The following ZNF469 variants were observed in gnomAD, a reference collection of about 807,000 sequenced individuals.
ZNF469 encodes zinc finger protein 469.
ZNF469 carries 1 observed loss-of-function variant against 1.0 expected under a neutral mutation model. That is an observed-to-expected ratio of 1.00 (90% CI 0.35 to 4.73). ZNF469 has a LOEUF of 4.73. Ranked by LOEUF, ZNF469 falls within the 30% of genes most tolerant of loss-of-function variation. The pLI is 0.16. For synonymous variants in ZNF469, 2,703 were observed against 2,363.4 expected, an observed-to-expected ratio of 1.14 and a Z score of -4.17; for missense variants, 6,100 against 5,356.3, an observed-to-expected ratio of 1.14 and a Z score of -4.33.
At chr16:88,409,906 G>T (rs1448007130) in intron 1 of ZNF469, among the ~76,000 whole-genome samples, 1 of 149,198 alleles carries the variant, frequency 6.7e-6, no homozygotes. Context: ...CCAGGGCTCT[G>T]GGTGGGGCGG....
the ZNF469 span, among the ~76,000 whole-genome samples, chr16:88,202,401 A>C: frequency 6.6e-6 from 1 of 151,996 alleles, no homozygotes; most frequent in African/African-American, 2.4e-5. Flanking sequence ...TGTGGGTCCT[A>C]AAGTCCTCTC....
the ZNF469 span, among the ~76,000 whole-genome samples, chr16:88,369,676 G>A: frequency 4.4e-4 from 67 of 152,334 alleles, no homozygotes; most frequent in African/African-American, 8.9e-4. Context: ...TCTGAGGGGC[G>A]ACACTGTCCC....
the ZNF469 span, among the ~76,000 whole-genome samples, chr16:88,369,463 G>A: frequency 6.6e-6 from 1 of 152,178 alleles, no homozygotes; most frequent in Non-Finnish European, 1.5e-5. Context: ...ATTGCAGGGG[G>A]CACCCAAGCC....
chr16:88,116,955 GCACACA>G, the ZNF469 span, among the ~76,000 whole-genome samples: 1,966 of 151,278 alleles, frequency 0.013, 22 homozygotes, highest in African/African-American at 0.025. Context: ...GTGCATGCGT[GCACACA>G]CACACACACA....
the ZNF469 span, among the ~76,000 whole-genome samples, chr16:88,236,922 T>A: frequency 3.3e-5 from 5 of 152,040 alleles, no homozygotes; most frequent in African/African-American, 1.2e-4. Flanking sequence ...CAAACCAGCA[T>A]CCCTCTAATT....
the ZNF469 span, among the ~76,000 whole-genome samples, chr16:88,367,970 C>G: frequency 6.6e-6 from 1 of 152,150 alleles, no homozygotes; most frequent in Non-Finnish European, 1.5e-5. Flanking sequence ...TCCTAATGCC[C>G]GCAGACGAAA....
At chr16:88,137,442 G>T in the ZNF469 span, among the ~76,000 whole-genome samples, 15 of 152,218 alleles carry the variant, frequency 9.9e-5, no homozygotes, top group African/African-American at 3.6e-4. Flanking sequence ...GCAACCGTGT[G>T]TGTGCAGCTA....
At chr16:88,330,911 C>T in the ZNF469 span, among the ~76,000 whole-genome samples, 77 of 152,202 alleles carry the variant, frequency 5.1e-4, no homozygotes, top group African/African-American at 1.8e-3. Flanking sequence ...GCAAAAGCAC[C>T]TGGCATGCAG....
chr16:88,306,522 C>T, the ZNF469 span, among the ~76,000 whole-genome samples: 1 of 152,202 alleles, frequency 6.6e-6, no homozygotes, highest in African/African-American at 2.4e-5. Context: ...CAGGAAGATG[C>T]GGGATGTCAC....
rs537461157 is a variant in ZNF469, at chr16:88,434,670, C to T, written c.7200C>T (p.Ser2400=). 3.9e-6 allele frequency: 6 copies of T among 1,550,382 alleles called. No homozygotes were observed. Among genetic ancestry groups the T allele is most frequent in the Admixed American group, 3.9e-5 (2 of 51,006 alleles). ...ATKMPRVTCP[S]TGLGLGRTTA... is the part of the protein sequence containing the mutation. Reference sequence around the variant, plus strand: ...AGATGCCCAGGGTCACCTGCCCTTCCACAGGACTGGGCTTGGGAAGAACCA... The same window carrying T: ...AGATGCCCAGGGTCACCTGCCCTTCTACAGGACTGGGCTTGGGAAGAACCA... Residue 2400 remains serine, a synonymous_variant, in exon 3 of 3, where the codon TCC becomes TCT. Transcript: ENST00000565624.
the ZNF469 span, among the ~76,000 whole-genome samples, chr16:88,118,433 A>C: frequency 3.9e-5 from 6 of 152,210 alleles, no homozygotes; most frequent in Non-Finnish European, 8.8e-5. Flanking sequence ...CAAGAGTCTC[A>C]GCTGCTCGAC....
At chr16:88,175,814 AAGG>A in the ZNF469 span, among the ~76,000 whole-genome samples, 2 of 152,244 alleles carry the variant, frequency 1.3e-5, no homozygotes, top group African/African-American at 2.4e-5. Flanking sequence ...ACAACCCAGA[AAGG>A]AGAAGAGAAG....
At position 88,434,608 on chromosome 16, in the gene ZNF469, C is replaced by T. The variant is rs1158512070; in HGVS notation, c.7138C>T (p.Pro2380Ser). ...GACCAGCAGCAAGGAGCCGGAGGAC[C>T]CAGGGACCCCTGAGACCGGGCGCTC... ...MGTSSKEPED[P>S]GTPETGRSGA... Residue 2380 changes from proline to serine, a missense_variant, in exon 3 of 3, where the codon CCA becomes TCA. By Grantham distance (74) the Pro-to-Ser change is moderately conservative (BLOSUM62 -1). Transcript: ENST00000565624. 2 of 1,550,300 alleles carry T rather than the reference C, an allele frequency of 1.3e-6. No homozygotes were observed. The highest frequency in any genetic ancestry group is 1.7e-6 in the Non-Finnish European group (2 of 1,146,936).
chr16:88,131,303 C>G, the ZNF469 span, among the ~76,000 whole-genome samples: 1 of 152,206 alleles, frequency 6.6e-6, no homozygotes, highest in Admixed American at 6.5e-5. Context: ...GAAGTCAAAA[C>G]AATACCAAGG....
intron 1 of ZNF469, among the ~76,000 whole-genome samples, chr16:88,386,544 G>A (rs565544899): frequency 1.1e-4 from 16 of 152,224 alleles, no homozygotes; most frequent in African/African-American, 3.9e-4. Flanking sequence ...TTGACGAAGG[G>A]GCCCTATTCA....
At chr16:88,168,697 G>A in the ZNF469 span, among the ~76,000 whole-genome samples, 99 of 152,308 alleles carry the variant, frequency 6.5e-4, no homozygotes, top group Admixed American at 5.2e-4. This position sits in a 1 kb window ranked among gnomAD's most constrained non-coding sequence, Gnocchi z 4.3. Context: ...CACACCTGCC[G>A]TTTGGCAAGC....
chr16:88,229,344 G>A, the ZNF469 span, among the ~76,000 whole-genome samples: 1 of 152,232 alleles, frequency 6.6e-6, no homozygotes, highest in Non-Finnish European at 1.5e-5. Context: ...GTAAAAAGCT[G>A]CTCTCGGGAA....
At position 88,438,781 on chromosome 16, in the gene ZNF469, C is replaced by T; in HGVS notation, c.11311C>T (p.Pro3771Ser). 6.5e-7 allele frequency: 1 copy of T among 1,550,230 alleles called. No individual in the cohort carries two copies. The highest frequency in any genetic ancestry group is 8.7e-7 in the Non-Finnish European group (1 of 1,146,920). Residue 3771 changes from proline to serine, a missense_variant, in exon 3 of 3, where the codon CCC becomes TCC. Physicochemically the swap from Pro to Ser is moderately conservative, Grantham distance 74. Coordinates refer to ENST00000565624, the MANE Select transcript of ZNF469 (RefSeq NM_001367624.2). ...TATTPAKPSF[P>S]SRSPAPERLP... ...CACCACCCCAGCCAAGCCCAGCTTC[C>T]CCAGCCGGAGCCCTGCACCAGAGAG...
Position 88,429,811 on chromosome 16 carries a change from A to C in ZNF469, c.2341A>C (p.Arg781=). The change falls in exon 3 of 3, where the codon AGA becomes CGA. Residue 781 remains arginine (R), a synonymous_variant. Transcript: ENST00000565624. The part of the protein sequence containing the change: ...PGLPSPPAAP[R]VPADAHAGLL... ...GCTCCCCTCGCCCCCCGCTGCCCCC[A>C]GAGTCCCTGCCGACGCACACGCGGG... The C allele has an allele frequency of 6.5e-7, 1 of 1,545,668 alleles. No individual in the cohort carries two copies. The highest frequency in any genetic ancestry group is 1.4e-5 in the African/African-American group (1 of 72,994).
Sources: allele counts gnomAD v4.1 joint callset (sites outside exome capture counted in the v4.1 genomes callset), GRCh38; gene constraint gnomAD v4.1.1; non-coding constraint Gnocchi (gnomAD v3.1); transcripts MANE v1.5; gene names NCBI Gene and HGNC (gene_info 2026-07-23, HGNC 2026-07-21).